NFATC1: variants seen among roughly 807,000 people sequenced by gnomAD.
NFATC1 encodes nuclear factor of activated T cells 1.
A neutral mutation model predicts 76.0 loss-of-function variants in NFATC1; 22 were observed. That is an observed-to-expected ratio of 0.29 (90% CI 0.21 to 0.41). The LOEUF (loss-of-function observed/expected upper bound fraction) is 0.41. Ranked by LOEUF, NFATC1 falls within the 10% of genes least tolerant of loss-of-function variation. The pLI, the probability that NFATC1 is intolerant of heterozygous loss-of-function variation, is 1.00. For missense variants in NFATC1, 1,357 were observed against 1,337.7 expected (o/e 1.01, Z -0.23); for synonymous variants, 704 against 613.1 (o/e 1.15, Z -2.19).
At chr18:79,415,473 G>A (rs1401167173) in intron 2 of NFATC1, among the ~76,000 whole-genome samples, 1 of 151,224 alleles carries the variant, frequency 6.6e-6, no homozygotes, top group African/African-American at 2.4e-5. Context: ...TAGTAGAGAT[G>A]GGGTTTCACC....
intron 9 of NFATC1, among the ~76,000 whole-genome samples, chr18:79,525,767 T>C (rs1044464177): frequency 6.6e-6 from 1 of 152,228 alleles, no homozygotes; most frequent in East Asian, 1.9e-4. Flanking sequence ...TTGGGCAGCC[T>C]CCCTTCCCCC....
At chr18:79,520,348 G>A (rs1335792587) in intron 9 of NFATC1, among the ~76,000 whole-genome samples, 3 of 137,820 alleles carry the variant, frequency 2.2e-5, no homozygotes, top group African/African-American at 2.5e-5. Flanking sequence ...AGATGCTGAC[G>A]TGTCCCGGTG....
Position 79,410,544 on chromosome 18 carries a change from G to C in NFATC1, c.269G>C (p.Gly90Ala). Reference protein sequence around the residue: ...IPPADHPSGYGAALDGGPAGY... With the variant: ...IPPADHPSGYAAALDGGPAGY... Reference sequence around the variant, plus strand: ...CCGGCGGATCACCCCTCGGGGTACGGAGCAGCTTTGGACGGTGGGCCCGCG... The same window carrying C: ...CCGGCGGATCACCCCTCGGGGTACGCAGCAGCTTTGGACGGTGGGCCCGCG... Residue 90 changes from glycine (G) to alanine (A), a missense_variant, in exon 2 of 10, where the codon GGA becomes GCA. This residue lies in a region of NFATC1 where 691 missense variants were observed against 613.1 expected (regional missense o/e 1.13). Transcript: ENST00000427363. The surrounding 1 kb of genome is among the most constrained non-coding windows in gnomAD (Gnocchi z 6.7). 6.2e-7 allele frequency: 1 copy of C among 1,611,696 alleles called. No homozygotes were observed. The highest frequency in any genetic ancestry group is 8.5e-7 in the Non-Finnish European group (1 of 1,180,006).
intron 8 of NFATC1, among the ~76,000 whole-genome samples, chr18:79,472,553 C>G (rs1198454320): frequency 1.3e-5 from 2 of 152,248 alleles, no homozygotes; most frequent in Non-Finnish European, 2.9e-5. Flanking sequence ...TCTGCAGATG[C>G]TCAGCGGCCC....
At chr18:79,494,808 G>A (rs1389620965) in intron 9 of NFATC1, among the ~76,000 whole-genome samples, 7 of 99,074 alleles carry the variant, frequency 7.1e-5, no homozygotes, top group Non-Finnish European at 1.4e-4. Context: ...ACCTGGTACC[G>A]CCGGGGGAAG....
chr18:79,428,448 TGCCTCCAGGGA>T (rs1568950066), intron 2 of NFATC1, among the ~76,000 whole-genome samples: 1 of 152,202 alleles, frequency 6.6e-6, no homozygotes, highest in Non-Finnish European at 1.5e-5. Flanking sequence ...GCCTTTGTGG[TGCCTCCAGGGA>T]GCCTCACGAT....
rs2090841654 is a variant in NFATC1 at position 79,529,208 on chromosome 18, G to A, written c.*1631G>A. The A allele has an allele frequency of 6.6e-6, 1 of 152,292 alleles. No homozygotes were observed. Among genetic ancestry groups the A allele is most frequent in the African/African-American group, 2.4e-5 (1 of 41,476 alleles). The allele number at this position is 152,292 out of a possible 1,614,324, so 9.4% of individuals were successfully genotyped here. On this transcript the variant is annotated 3_prime_UTR_variant, in exon 10 of 10. Coordinates refer to ENST00000427363, the MANE Select transcript of NFATC1 (RefSeq NM_001278669.2). ...GGGTACCCTGCACCCGGCACTGTAG[G>A]AGTCACGTGCAGCCTTTCTCAGGGG...
chr18:79,511,559 C>T (rs1388588522), intron 9 of NFATC1, among the ~76,000 whole-genome samples: 2 of 152,070 alleles, frequency 1.3e-5, no homozygotes, highest in South Asian at 2.1e-4. Flanking sequence ...AGGGAAGCCT[C>T]GCCGTGCCCA....
intron 9 of NFATC1, among the ~76,000 whole-genome samples, chr18:79,491,264 G>A (rs1272430732): frequency 5.9e-5 from 9 of 152,142 alleles, no homozygotes. Flanking sequence ...CGGGGGCGGA[G>A]AAGAATAGGA....
rs540522874 is a variant in NFATC1, at chr18:79,510,928, G to A, written c.2783-16600G>A. On this transcript the variant is annotated intron_variant, in intron 9 of 9. Coordinates refer to ENST00000427363, the MANE Select transcript of NFATC1 (RefSeq NM_001278669.2). ...ATCCTCCACCGGGGGCTCCTCCGCC[G>A]GGGCATCCTGCTCCGGGGCATCGTT... Among the ~76,000 whole-genome samples, 18 of 152,290 alleles carry A rather than the reference G, an allele frequency of 1.2e-4. No homozygotes were observed. In the South Asian group the frequency reaches 3.3e-3, roughly 28 times the overall value.
chr18:79,483,188 CA>C (rs2089360290), intron 8 of NFATC1, among the ~76,000 whole-genome samples: 1 of 114,100 alleles, frequency 8.8e-6, no homozygotes, highest in Non-Finnish European at 1.8e-5. Context: ...GGTGTAATTC[CA>C]GCGTGACCTG....
rs564705106 is a variant in NFATC1 at position 79,466,938 on chromosome 18, T to G, written c.1960-512T>G. Among the ~76,000 whole-genome samples the G allele has an allele frequency of 4.2e-4, 64 of 152,254 alleles. 1 individual carries two copies. The highest frequency in any genetic ancestry group is 1.5e-3 in the African/African-American group (63 of 41,560). ...GTCGTTTTCTGAAGGTCACCAACCC[T>G]TTGGCATCAGAGCAGGCAGAGCCTT... On this transcript the variant is annotated intron_variant, in intron 7 of 9. Transcript: ENST00000427363.
intron 2 of NFATC1, among the ~76,000 whole-genome samples, chr18:79,429,170 G>A (rs985464997): frequency 6.7e-6 from 1 of 148,564 alleles, no homozygotes; most frequent in South Asian, 2.1e-4. Context: ...GCAGTGAGCC[G>A]AGATGGCTCC....
intron 9 of NFATC1, chr18:79,496,196 T>C (rs2145117228): frequency 6.5e-6 from 1 of 152,820 alleles, no homozygotes; most frequent in East Asian, 1.9e-4. Flanking sequence ...GTTGCCTAGC[T>C]TCCTCCTACC....
At chr18:79,413,889 G>A (rs1362013693) in intron 2 of NFATC1, among the ~76,000 whole-genome samples, 1 of 152,138 alleles carries the variant, frequency 6.6e-6, no homozygotes, top group Non-Finnish European at 1.5e-5. Flanking sequence ...CCGTGCCCAC[G>A]TGACCCTGTT....
chr18:79,446,148 G>A (rs965516479), intron 3 of NFATC1, among the ~76,000 whole-genome samples: 2 of 152,200 alleles, frequency 1.3e-5, no homozygotes, highest in Admixed American at 6.5e-5. Flanking sequence ...AGTGGGGCCC[G>A]TGACGTATTT....
At chr18:79,521,878 T>G (rs1601007778) in intron 9 of NFATC1, among the ~76,000 whole-genome samples, 1 of 37,744 alleles carries the variant, frequency 2.6e-5, no homozygotes, top group Non-Finnish European at 4.6e-5. Context: ...TGTCTGTGTG[T>G]GTGGGGGGGG....
chr18:79,448,502 G>C (rs149357595), intron 3 of NFATC1: 119 of 476,610 alleles, frequency 2.5e-4, no homozygotes, highest in African/African-American at 2.2e-3. Flanking sequence ...CCCCCTGCCA[G>C]CTTCACTGTG....
At chr18:79,471,909 C>T (rs1450644048) in intron 8 of NFATC1, among the ~76,000 whole-genome samples, 1 of 152,216 alleles carries the variant, frequency 6.6e-6, no homozygotes, top group African/African-American at 2.4e-5. Context: ...GCGCTTCCCT[C>T]CCCCGGTACT....
Sources: allele counts gnomAD v4.1 joint callset (sites outside exome capture counted in the v4.1 genomes callset), GRCh38; gene constraint gnomAD v4.1.1; regional missense constraint gnomAD v4.1.1; non-coding constraint Gnocchi (gnomAD v3.1); transcripts MANE v1.5; gene names NCBI Gene and HGNC (gene_info 2026-07-23, HGNC 2026-07-21).